LRP1B: variants seen among roughly 807,000 people sequenced by gnomAD.
The protein encoded by LRP1B is LDL receptor related protein 1B, also known as low-density lipoprotein receptor-related protein 1B.
A neutral mutation model predicts 556.6 loss-of-function variants in LRP1B; 217 were observed. That is an observed-to-expected ratio of 0.39 (90% CI 0.35 to 0.44). The LOEUF is 0.44. LRP1B is among the 20% of genes least tolerant of loss of function. The pLI is 1.00. For missense variants in LRP1B, 5,053 were observed against 5,620.8 expected, an observed-to-expected ratio of 0.90 and a Z score of 3.23; for synonymous variants, 2,047 against 1,865.8, an observed-to-expected ratio of 1.10 and a Z score of -2.50.
rs139367498 is a variant in LRP1B, at chr2:140,506,504, G to A, written c.8521+292C>T. Among the ~76,000 whole-genome samples, 673 of 152,110 alleles carry A rather than the reference G, an allele frequency of 4.4e-3. 6 individuals are homozygous for A. Among genetic ancestry groups the A allele is most frequent in the African/African-American group, 0.016 (647 of 41,498 alleles). The stretch of plus-strand genomic sequence containing the variant: ...GGTGATCCACCCGCCTCAGCCTCCC[G>A]AAGTGCTAGGACTACAGGCATGAGC... On this transcript the variant is annotated intron_variant, in intron 53 of 90. Coordinates refer to ENST00000389484, the MANE Select transcript of LRP1B (RefSeq NM_018557.3).
intron 1 of LRP1B, among the ~76,000 whole-genome samples, chr2:141,875,291 A>G (rs1698720953): frequency 6.6e-6 from 1 of 151,876 alleles, no homozygotes; most frequent in Admixed American, 6.6e-5. Context: ...AATAGGCATG[A>G]ACCTGTTATC....
In LRP1B at chr2:140,776,159, G is replaced by A. The variant is rs149686539; in HGVS notation, c.5439C>T (p.Ile1813=). 39 of 1,596,590 alleles carry A rather than the reference G, an allele frequency of 2.4e-5. No individual in the cohort carries two copies. The African/African-American group carries it at 4.5e-4, about 18-fold the overall frequency. The change falls in exon 33 of 91, where the codon ATC becomes ATT. Residue 1813 remains isoleucine, a synonymous_variant. Transcript: ENST00000389484. The stretch of plus-strand genomic sequence containing the variant: ...CTACCCCAGAAGTCTTATTCCGTAG[G>A]ATGGTGGGGTTTCTTCCGTCTCTTT... ...CSKRDGRNPT[I]LRNKTSGVVH... is the part of the protein sequence containing the mutation.
intron 35 of LRP1B, among the ~76,000 whole-genome samples, chr2:140,756,953 G>T (rs1047308152): frequency 6.6e-6 from 1 of 152,056 alleles, no homozygotes; most frequent in African/African-American, 2.4e-5. Flanking sequence ...CAAAATTCTA[G>T]TAACTCAATA....
intron 4 of LRP1B, among the ~76,000 whole-genome samples, chr2:141,248,813 G>T (rs983077340): frequency 6.6e-6 from 1 of 152,128 alleles, no homozygotes; most frequent in Non-Finnish European, 1.5e-5. Flanking sequence ...GTGGAGAAAG[G>T]ATCCTAGAAA....
At chr2:140,401,752 C>T (rs561206495) in intron 66 of LRP1B, among the ~76,000 whole-genome samples, 1 of 152,238 alleles carries the variant, frequency 6.6e-6, no homozygotes, top group Non-Finnish European at 1.5e-5. Context: ...TGGAAGCCAA[C>T]TGACATAGTC....
chr2:141,667,634 G>T (rs1487603256), intron 2 of LRP1B, among the ~76,000 whole-genome samples: 1 of 152,110 alleles, frequency 6.6e-6, no homozygotes, highest in African/African-American at 2.4e-5. Context: ...GACCATATAT[G>T]TTCTAATATC....
chr2:140,883,688 CACA>C, intron 25 of LRP1B, 126 bp downstream of exon 25: 1 of 541,502 alleles, frequency 1.8e-6, no homozygotes, highest in Admixed American at 3.7e-5. Flanking sequence ...CCGCCCCCGC[CACA>C]CACACACATA....
chr2:142,097,300 T>C (rs1056238618), intron 1 of LRP1B, among the ~76,000 whole-genome samples: 2 of 151,690 alleles, frequency 1.3e-5, no homozygotes, highest in Non-Finnish European at 3.0e-5. Context: ...TAAAATAATA[T>C]AGGTCCATGA....
At chr2:141,585,727 G>A (rs936374880) in intron 2 of LRP1B, among the ~76,000 whole-genome samples, 1 of 151,976 alleles carries the variant, frequency 6.6e-6, no homozygotes, top group Non-Finnish European at 1.5e-5. Flanking sequence ...TAATTATCAA[G>A]ACATTTTAAG....
chr2:140,274,030 G>T (rs959557592), intron 85 of LRP1B, among the ~76,000 whole-genome samples: 1 of 152,070 alleles, frequency 6.6e-6, no homozygotes, highest in African/African-American at 2.4e-5. Context: ...AAATCAATTT[G>T]CAACAGAAAA....
At chr2:141,972,631 T>C (rs184358422) in intron 1 of LRP1B, among the ~76,000 whole-genome samples, 3 of 151,340 alleles carry the variant, frequency 2.0e-5, no homozygotes, top group Admixed American at 6.6e-5. Flanking sequence ...CTGTGAAATA[T>C]TTAGCCTATG....
chr2:141,211,885 C>T lies in LRP1B; in HGVS notation c.850+17298G>A, dbSNP rs535918890. Among the ~76,000 whole-genome samples the T allele has an allele frequency of 1.8e-4, 28 of 152,246 alleles. No individual in the cohort carries two copies. The Middle Eastern group carries it at 0.01, about 55-fold the overall frequency. On this transcript the variant is annotated intron_variant, in intron 6 of 90. Transcript: ENST00000389484. ...CTCTCAATGGATGGCCTGATCTCCT[C>T]ACTGAAATTCCAGTTACCAACAGGG...
intron 2 of LRP1B, among the ~76,000 whole-genome samples, chr2:141,677,521 G>T (rs1046314053): frequency 6.6e-6 from 1 of 151,770 alleles, no homozygotes; most frequent in African/African-American, 2.4e-5. Context: ...ATGGAATTTC[G>T]CTCTGTTGCC....
rs115945542 is a variant in LRP1B at position 141,342,496 on chromosome 2, C to T, written c.344-87855G>A. Among the ~76,000 whole-genome samples the T allele has an allele frequency of 3.7e-3, 555 of 151,808 alleles. 3 individuals are homozygous for T. The highest frequency in any genetic ancestry group is 0.013 in the African/African-American group (524 of 41,422). On this transcript the variant is annotated intron_variant, in intron 3 of 90. Coordinates refer to ENST00000389484, the MANE Select transcript of LRP1B (RefSeq NM_018557.3). Reference sequence around the variant, plus strand: ...CCAACTTAAACTCACAAGGTCTGAGCTATAGAATAACCCATTTAGAGAAGA... The same window carrying T: ...CCAACTTAAACTCACAAGGTCTGAGTTATAGAATAACCCATTTAGAGAAGA...
At chr2:140,845,188 C>A (rs570968532) in intron 29 of LRP1B, among the ~76,000 whole-genome samples, 1 of 152,098 alleles carries the variant, frequency 6.6e-6, no homozygotes, top group Non-Finnish European at 1.5e-5. Context: ...AAGAACAGGT[C>A]TCTACTGTGC....
intron 43 of LRP1B, among the ~76,000 whole-genome samples, chr2:140,553,632 G>A (rs566636530): frequency 6.6e-6 from 1 of 151,978 alleles, no homozygotes; most frequent in African/African-American, 2.4e-5. Flanking sequence ...TATCAGTTAA[G>A]CCTGAAGCAA....
chr2:140,640,191 A>T (rs963474363), intron 41 of LRP1B, among the ~76,000 whole-genome samples: 2 of 150,242 alleles, frequency 1.3e-5, no homozygotes, highest in Admixed American at 6.7e-5. Context: ...TTTTTAGTAG[A>T]GACGGGGTTT....
At chr2:140,238,065 A>G in intron 89 of LRP1B, 87 bp downstream of exon 89, 1 of 1,222,478 alleles carries the variant, frequency 8.2e-7, no homozygotes, top group Non-Finnish European at 1.1e-6. Flanking sequence ...CAGATAACAG[A>G]AAAACTTGGT....
chr2:140,489,554 T>C (rs1688612764), intron 57 of LRP1B, among the ~76,000 whole-genome samples: 1 of 152,104 alleles, frequency 6.6e-6, no homozygotes, highest in Non-Finnish European at 1.5e-5. Context: ...GGAAGTTGCC[T>C]ATGCAAAGTA....
Sources: allele counts gnomAD v4.1 joint callset (sites outside exome capture counted in the v4.1 genomes callset), GRCh38; gene constraint gnomAD v4.1.1; transcripts MANE v1.5; gene names NCBI Gene and HGNC (gene_info 2026-07-23, HGNC 2026-07-21).